GSE1: variants seen among roughly 807,000 people sequenced by gnomAD.
The protein encoded by GSE1 is genetic suppressor element 1.
GSE1 carries 32 observed loss-of-function variants against 112.6 expected under a neutral mutation model. The ratio of observed to expected loss-of-function variants is 0.28; its 90% CI spans 0.21 to 0.38. The LOEUF (loss-of-function observed/expected upper bound fraction) is 0.38. GSE1 is among the 10% of genes least tolerant of loss of function. The pLI is 1.00. For synonymous variants in GSE1, 1,115 were observed against 735.6 expected, an observed-to-expected ratio of 1.52 and a Z score of -8.35; for missense variants, 2,348 against 1,699.2, an observed-to-expected ratio of 1.38 and a Z score of -6.71.
chr16:85,470,282 C>T (rs1289565406), intron 2 of GSE1, among the ~76,000 whole-genome samples: 1 of 152,208 alleles, frequency 6.6e-6, no homozygotes, highest in East Asian at 1.9e-4. Flanking sequence ...GGGGTCTTCC[C>T]ACTGACTTGG....
chr16:85,225,589 C>G (rs1266683979), intron 1 of GSE1, among the ~76,000 whole-genome samples: 1 of 152,176 alleles, frequency 6.6e-6, no homozygotes, highest in Non-Finnish European at 1.5e-5. Flanking sequence ...GCTGCAGGGG[C>G]TGGTGCGGTC....
chr16:85,660,536 G>T (rs1398898698), intron 8 of GSE1, among the ~76,000 whole-genome samples: 1 of 152,156 alleles, frequency 6.6e-6, no homozygotes, highest in Admixed American at 6.5e-5. Context: ...CTACTCGGGA[G>T]GCTGAAGCTG....
chr16:85,612,149 A>G (rs1040295814), upstream of GSE1, among the ~76,000 whole-genome samples: 1 of 151,510 alleles, frequency 6.6e-6, no homozygotes, highest in African/African-American at 2.4e-5. Context: ...CCAGGGCGCC[A>G]GAAGGCGGCA....
At chr16:85,368,900 G>A (rs2047239589) in intron 2 of GSE1, among the ~76,000 whole-genome samples, 2 of 152,106 alleles carry the variant, frequency 1.3e-5, no homozygotes, top group African/African-American at 4.8e-5. Flanking sequence ...GAGGGCTGCG[G>A]GCTCCCTGAG....
rs1367187523 is a variant in GSE1, at chr16:85,674,920, A to G, written c.*2381A>G. 1 of 152,658 alleles carries G rather than the reference A, an allele frequency of 6.6e-6. No homozygotes were observed. Among genetic ancestry groups the G allele is most frequent in the Non-Finnish European group, 1.5e-5 (1 of 68,040 alleles). The allele number at this position is 152,658 out of a possible 1,614,324, so 9.5% of individuals were successfully genotyped here. The stretch of plus-strand genomic sequence containing the variant: ...CGATCTGAGTACTCTACTCTTGCTC[A>G]AGAAGTAATACGACAATCAGAATAC... On this transcript the variant is annotated 3_prime_UTR_variant, in exon 16 of 16. Coordinates refer to ENST00000253458, the MANE Select transcript of GSE1 (RefSeq NM_014615.5).
chr16:85,294,643 C>CTCTG lies in GSE1; in HGVS notation c.2284-62817_2284-62816insGTCT, dbSNP rs1555554742. The stretch of plus-strand genomic sequence containing the variant: ...TCTCTCTCTCTCTCTCTCTCTCTCT[C>CTCTG]TCTCTCTCTCTCTCTGTCTCTCTCT... On this transcript the variant is annotated intron_variant, in intron 1 of 2. Coordinates refer to the GSE1 transcript ENST00000637419. 6.7e-3 allele frequency among the ~76,000 whole-genome samples: 883 copies of CTCTG among 131,972 alleles called. 16 individuals carry two copies. The highest frequency in any genetic ancestry group is 0.025 in the African/African-American group (838 of 32,864). The allele number at this position is 131,972 out of a possible 152,430, so 86.6% of individuals were successfully genotyped here.
intron 2 of GSE1, among the ~76,000 whole-genome samples, chr16:85,498,130 T>C (rs2051242624): frequency 6.6e-6 from 1 of 151,934 alleles, no homozygotes; most frequent in Non-Finnish European, 1.5e-5. Flanking sequence ...AGAGTGGAGC[T>C]GGCGGGAGGA....
chr16:85,648,656 C>T lies in GSE1; in HGVS notation c.331C>T (p.Pro111Ser). The change falls in exon 3 of 16, where the codon CCC becomes TCC. Residue 111 changes from proline (P) to serine (S), a missense_variant. Physicochemically the swap from Pro to Ser is moderately conservative, Grantham distance 74. Transcript: ENST00000253458. ...KRVPMGPIIV[P>S]PGGHSVPSTP... Reference sequence around the variant, plus strand: ...CGTGCCCATGGGCCCTATCATCGTCCCCCCTGGGGGCCACAGCGTGCCCAG... The same window carrying T: ...CGTGCCCATGGGCCCTATCATCGTCTCCCCTGGGGGCCACAGCGTGCCCAG... 1.9e-6 allele frequency: 3 copies of T among 1,599,974 alleles called. No individual in the cohort carries two copies. The highest frequency in any genetic ancestry group is 1.3e-5 in the African/African-American group (1 of 74,686).
At chr16:85,472,610 C>T (rs1239756455) in intron 2 of GSE1, among the ~76,000 whole-genome samples, 3 of 152,224 alleles carry the variant, frequency 2.0e-5, no homozygotes, top group Non-Finnish European at 2.9e-5. Context: ...TAGCGCAGCC[C>T]GGCACAGCTC....
intron 2 of GSE1, among the ~76,000 whole-genome samples, chr16:85,431,594 C>T (rs903309778): frequency 1.3e-5 from 2 of 152,210 alleles, no homozygotes; most frequent in African/African-American, 4.8e-5. Context: ...CCGTGGCAGC[C>T]TCAGAGGTTT....
chr16:85,670,353 C>G (rs979924960), intron 14 of GSE1, among the ~76,000 whole-genome samples: 3 of 152,144 alleles, frequency 2.0e-5, no homozygotes, highest in Non-Finnish European at 4.4e-5. Context: ...AGTGAAGGTT[C>G]CCATTTCCGG....
intron 2 of GSE1, among the ~76,000 whole-genome samples, chr16:85,408,079 C>G (rs1199424113): frequency 1.8e-5 from 1 of 54,516 alleles, no homozygotes; most frequent in African/African-American, 8.0e-5. Context: ...ATAATCCTCA[C>G]TGTTACACTC....
intron 1 of GSE1, among the ~76,000 whole-genome samples, chr16:85,252,784 T>G (rs1459490173): frequency 6.6e-6 from 1 of 152,222 alleles, no homozygotes; most frequent in Non-Finnish European, 1.5e-5. Context: ...AGGTGCAGTC[T>G]GAGGCTGCCG....
chr16:85,456,933 G>GCAA (rs1567502359), intron 2 of GSE1, among the ~76,000 whole-genome samples: 45 of 152,280 alleles, frequency 3.0e-4, no homozygotes, highest in African/African-American at 1.1e-3. Context: ...AGGACAAAAC[G>GCAA]GGCCTTGCCT....
intron 2 of GSE1, among the ~76,000 whole-genome samples, chr16:85,412,963 C>G (rs1279579416): frequency 6.6e-6 from 1 of 152,206 alleles, no homozygotes; most frequent in Non-Finnish European, 1.5e-5. Flanking sequence ...AGCCATCGGC[C>G]CGGGTGCCTG....
intron 2 of GSE1, among the ~76,000 whole-genome samples, chr16:85,498,675 C>T (rs1213192069): frequency 6.6e-6 from 1 of 152,262 alleles, no homozygotes; most frequent in Non-Finnish European, 1.5e-5. Context: ...CACGTGTATG[C>T]ACACGACAGC....
At chr16:85,530,127 C>T (rs2044090672) in intron 2 of GSE1, among the ~76,000 whole-genome samples, 1 of 152,212 alleles carries the variant, frequency 6.6e-6, no homozygotes, top group Non-Finnish European at 1.5e-5. Context: ...GAGGGTAGCG[C>T]CTGCCGTCCT....
chr16:85,466,538 G>C (rs969807947), intron 2 of GSE1, among the ~76,000 whole-genome samples: 1 of 152,200 alleles, frequency 6.6e-6, no homozygotes, highest in African/African-American at 2.4e-5. Context: ...GATGGCATTT[G>C]GGTGCCTTAT....
intron 2 of GSE1, among the ~76,000 whole-genome samples, chr16:85,364,804 G>C (rs2047154000): frequency 6.6e-6 from 1 of 152,184 alleles, no homozygotes; most frequent in African/African-American, 2.4e-5. Flanking sequence ...CCACTCCCCA[G>C]CAACTCTGTC....
Sources: gnomAD v4.1 joint callset for allele counts (sites outside exome capture counted in the v4.1 genomes callset) on GRCh38, gnomAD v4.1.1 for gene constraint, MANE v1.5 for transcripts, NCBI Gene and HGNC (gene_info 2026-07-23, HGNC 2026-07-21) for gene names.